The following FAR2 variants were observed in gnomAD, a reference collection of about 807,000 sequenced individuals.
The protein encoded by FAR2 is fatty acyl-CoA reductase 2.
Under a neutral mutation model 56.0 loss-of-function variants are expected in FAR2, and 19 were observed. The ratio of observed to expected loss-of-function variants is 0.34; its 90% CI spans 0.24 to 0.50. The LOEUF is 0.50. Among genes scored for constraint, FAR2 ranks in the 20% least tolerant of loss-of-function variants. The pLI is 0.98. For synonymous variants in FAR2, 219 were observed against 218.8 expected, an observed-to-expected ratio of 1.00 and a Z score of -0.01; for missense variants, 508 against 642.2, an observed-to-expected ratio of 0.79 and a Z score of 2.26.
At chr12:29,151,719 CT>C (rs1949682854) in intron 1 of FAR2, 1 of 152,230 alleles carries the variant, frequency 6.6e-6, no homozygotes, top group African/African-American at 2.4e-5. Context: ...TGAAATTTAT[CT>C]GCTGCTCACT....
intron 1 of FAR2, among the ~76,000 whole-genome samples, chr12:29,262,649 A>G (rs965156131): frequency 7.2e-5 from 11 of 152,088 alleles, no homozygotes; most frequent in African/African-American, 2.7e-4. Flanking sequence ...AAGTAAGTAA[A>G]TAAATAAATA....
intron 10 of FAR2, among the ~76,000 whole-genome samples, chr12:29,325,127 C>A (rs565296667): frequency 9.0e-4 from 137 of 152,128 alleles, no homozygotes; most frequent in African/African-American, 3.0e-3. Context: ...AGACTTTAAA[C>A]CAACAAAGAT....
At chr12:29,292,488 G>A (rs1591935971) in intron 2 of FAR2, among the ~76,000 whole-genome samples, 2 of 152,090 alleles carry the variant, frequency 1.3e-5, no homozygotes, top group East Asian at 3.9e-4. Context: ...ACTATCAAGA[G>A]GGAAAACATC....
intron 2 of FAR2, among the ~76,000 whole-genome samples, chr12:29,281,723 C>T (rs1022825041): frequency 7.8e-5 from 11 of 141,646 alleles, no homozygotes; most frequent in Non-Finnish European, 1.5e-4. Flanking sequence ...AAGGTGTATA[C>T]ATTAGGCACA....
intron 1 of FAR2, among the ~76,000 whole-genome samples, chr12:29,253,375 C>A (rs1397103411): frequency 1.4e-5 from 2 of 143,472 alleles, no homozygotes; most frequent in Admixed American, 6.9e-5. Flanking sequence ...ATCTATCTAT[C>A]TAGATAGATA....
chr12:29,174,507 G>T (rs1949918229), intron 1 of FAR2, among the ~76,000 whole-genome samples: 1 of 123,510 alleles, frequency 8.1e-6, no homozygotes, highest in Admixed American at 1.1e-4. Flanking sequence ...CACAATCTCG[G>T]CCTCCCCAGT....
intron 1 of FAR2, among the ~76,000 whole-genome samples, chr12:29,198,905 T>C (rs1947369705): frequency 6.6e-6 from 1 of 152,240 alleles, no homozygotes. Context: ...TGCATTTATC[T>C]ATCTTCTTGT....
intron 1 of FAR2, among the ~76,000 whole-genome samples, chr12:29,175,224 T>G (rs950741553): frequency 2.0e-5 from 3 of 152,230 alleles, no homozygotes; most frequent in African/African-American, 7.2e-5. Flanking sequence ...CCAAAGTGTG[T>G]CCAGAATTGG....
At chr12:29,255,562 A>G (rs1233933935) in intron 1 of FAR2, among the ~76,000 whole-genome samples, 3 of 152,196 alleles carry the variant, frequency 2.0e-5, no homozygotes, top group Non-Finnish European at 2.9e-5. Context: ...TTATACTCCT[A>G]GTGCCCACAG....
intron 1 of FAR2, among the ~76,000 whole-genome samples, chr12:29,258,761 C>T: frequency 6.6e-6 from 1 of 152,196 alleles, no homozygotes; most frequent in Non-Finnish European, 1.5e-5. Context: ...TGACCCTATG[C>T]TGGCTCAATC....
intron 1 of FAR2, among the ~76,000 whole-genome samples, chr12:29,205,529 T>G (rs1313263483): frequency 3.5e-4 from 53 of 152,220 alleles, no homozygotes; most frequent in Non-Finnish European, 7.3e-5. Flanking sequence ...CTCCTGCTGT[T>G]TTGGTAGGTA....
chr12:29,323,579 TACGGTTC>T (rs1343564946), intron 10 of FAR2, among the ~76,000 whole-genome samples: 1 of 152,172 alleles, frequency 6.6e-6, no homozygotes, highest in African/African-American at 2.4e-5. Context: ...CAGCAGAATT[TACGGTTC>T]ACCAATATCC....
chr12:29,307,912 T>G lies in FAR2; in HGVS notation c.723+77T>G, dbSNP rs1432411790. ...TAGTCCAATTACTTTCTGATGTCTT[T>G]CTTCTTCTCCTCCTCAGGATTTATA... On this transcript the variant is annotated intron_variant, in intron 5 of 11. Coordinates refer to ENST00000536681, the MANE Select transcript of FAR2 (RefSeq NM_001271783.2). The G allele has an allele frequency of 3.5e-6, 5 of 1,428,044 alleles. No individual in the cohort carries two copies. The East Asian group carries it at 1.2e-4, about 33-fold the overall frequency. The allele number at this position is 1,428,044 out of a possible 1,614,324, so 88.5% of individuals were successfully genotyped here. A position where few individuals can be genotyped will look rare whatever the true frequency, so the allele number is the denominator to read the frequency against.
In FAR2 at chr12:29,268,909, A is replaced by G. The variant is rs546371391; in HGVS notation, c.-38-1503A>G. Among the ~76,000 whole-genome samples the G allele has an allele frequency of 1.1e-3, 174 of 152,282 alleles. 1 individual carries two copies. Among genetic ancestry groups the G allele is most frequent in the African/African-American group, 4.1e-3 (171 of 41,560 alleles). On this transcript the variant is annotated intron_variant, in intron 1 of 11. Coordinates refer to ENST00000536681, the MANE Select transcript of FAR2 (RefSeq NM_001271783.2). ...ATTTTCAAAAGGGGAGGGAGTGTGCAAATAGGTGTGGGTCACAGACATCAA... is the reference window on the plus strand; with the variant it reads ...ATTTTCAAAAGGGGAGGGAGTGTGCGAATAGGTGTGGGTCACAGACATCAA...
intron 10 of FAR2, among the ~76,000 whole-genome samples, chr12:29,330,806 T>A (rs1949720183): frequency 6.6e-6 from 1 of 152,140 alleles, no homozygotes; most frequent in South Asian, 2.1e-4. Flanking sequence ...GTTTTGATAA[T>A]ATATGCCTTT....
chr12:29,150,898 C>T (rs1949676964), intron 1 of FAR2, among the ~76,000 whole-genome samples: 1 of 152,154 alleles, frequency 6.6e-6, no homozygotes, highest in South Asian at 2.1e-4. Context: ...GTAAATCATA[C>T]AGCTATTAGA....
chr12:29,220,240 C>T (rs1181983273), intron 1 of FAR2, among the ~76,000 whole-genome samples: 1 of 152,162 alleles, frequency 6.6e-6, no homozygotes, highest in African/African-American at 2.4e-5. Context: ...TTACATTTTC[C>T]CTGATGATGA....
chr12:29,155,541 T>A (rs1949719229), intron 1 of FAR2, among the ~76,000 whole-genome samples: 1 of 152,266 alleles, frequency 6.6e-6, no homozygotes, highest in Non-Finnish European at 1.5e-5. Flanking sequence ...ATCTGGCCCC[T>A]GCCTTTTTGT....
chr12:29,277,246 G>T (rs1447913109), intron 2 of FAR2, among the ~76,000 whole-genome samples: 3 of 152,174 alleles, frequency 2.0e-5, no homozygotes, highest in Admixed American at 6.5e-5. Flanking sequence ...AAAGTGCTGG[G>T]ATTACAGGCA....
Sources: allele counts gnomAD v4.1 joint callset (sites outside exome capture counted in the v4.1 genomes callset), GRCh38; gene constraint gnomAD v4.1.1; transcripts MANE v1.5; gene names NCBI Gene and HGNC (gene_info 2026-07-23, HGNC 2026-07-21).